The following TNS3 variants were observed in gnomAD, a reference collection of about 807,000 sequenced individuals.
TNS3 encodes tensin 3.
In TNS3, 45 loss-of-function variants were observed where a neutral mutation model predicts 140.9. The observed-to-expected ratio is 0.32, with a 90% confidence interval of 0.25 to 0.41. TNS3 has a LOEUF of 0.41. Ranked by LOEUF, TNS3 falls within the 10% of genes least tolerant of loss-of-function variation. TNS3 has a pLI of 1.00. For missense variants in TNS3, 1,716 were observed against 1,906.7 expected, an observed-to-expected ratio of 0.90 and a Z score of 1.86; for synonymous variants, 815 against 788.4, an observed-to-expected ratio of 1.03 and a Z score of -0.56.
chr7:47,408,961 T>G (rs1466998362), intron 13 of TNS3, among the ~76,000 whole-genome samples: 3 of 151,978 alleles, frequency 2.0e-5, no homozygotes, highest in Non-Finnish European at 4.4e-5. Flanking sequence ...AGAAAGCCCA[T>G]GTCCCCAACG....
intron 9 of TNS3, among the ~76,000 whole-genome samples, chr7:47,427,003 A>G (rs1378224248): frequency 1.3e-5 from 2 of 151,706 alleles, no homozygotes; most frequent in African/African-American, 2.4e-5. Context: ...GCACACACCT[A>G]TAATCCCAGC....
intron 16 of TNS3, among the ~76,000 whole-genome samples, chr7:47,390,933 C>T (rs1332273233): frequency 6.6e-6 from 1 of 152,184 alleles, no homozygotes; most frequent in Non-Finnish European, 1.5e-5. Flanking sequence ...CGTCCTCCAG[C>T]CTCTTTGTTA....
chr7:47,460,450 G>A (rs1796442646), intron 4 of TNS3, among the ~76,000 whole-genome samples: 1 of 152,160 alleles, frequency 6.6e-6, no homozygotes, highest in African/African-American at 2.4e-5. Context: ...GGCAGCCTAA[G>A]CTGACTAAGA....
intron 20 of TNS3, among the ~76,000 whole-genome samples, chr7:47,317,116 T>C (rs1584386830): frequency 1.3e-5 from 2 of 152,356 alleles, no homozygotes; most frequent in South Asian, 2.1e-4. Flanking sequence ...TAAGGTCAAC[T>C]GATTTCAGCA....
At chr7:47,389,010 A>C (rs1475076653) in intron 16 of TNS3, among the ~76,000 whole-genome samples, 50 of 1,872 alleles carry the variant, frequency 0.027, 13 homozygotes, top group Non-Finnish European at 0.15. Context: ...AAGGAAGAAG[A>C]AGAAGAAGAA....
chr7:47,388,245 T>TAC lies in TNS3; in HGVS notation c.1024+8553_1024+8554dup, dbSNP rs141454544. Among the ~76,000 whole-genome samples, 54 of 151,694 alleles carry TAC rather than the reference T, an allele frequency of 3.6e-4. 1 individual carries two copies. The East Asian group carries it at 8.3e-3, about 23-fold the overall frequency. ...TTACACCAGGGTCTACACACACACA[T>TAC]ACACACACACACACTGCTGCTCACG... is the stretch of plus-strand genomic sequence containing the variant. On this transcript the variant is annotated intron_variant, in intron 16 of 30. Coordinates refer to ENST00000311160, the MANE Select transcript of TNS3 (RefSeq NM_022748.12).
intron 1 of TNS3, among the ~76,000 whole-genome samples, chr7:47,541,370 G>A (rs753057574): frequency 6.6e-6 from 1 of 151,880 alleles, no homozygotes; most frequent in Non-Finnish European, 1.5e-5. Context: ...ACACACACAT[G>A]CACACACACA....
intron 20 of TNS3, among the ~76,000 whole-genome samples, chr7:47,323,796 G>A (rs199853329): frequency 1.3e-5 from 2 of 152,010 alleles, no homozygotes; most frequent in African/African-American, 4.8e-5. Context: ...TACCAAGAGC[G>A]AGGACTAAAA....
At chr7:47,433,128 ACCGACCCTCACTCTGTTCCTGC>A (rs1795004620) in intron 8 of TNS3, among the ~76,000 whole-genome samples, 1 of 152,196 alleles carries the variant, frequency 6.6e-6, no homozygotes, top group Non-Finnish European at 1.5e-5. Context: ...GCATAGGAGG[ACCGACCCTCACTCTGTTCCTGC>A]CCAGGCTGAG....
chr7:47,514,629 A>G (rs1798720148), intron 2 of TNS3, among the ~76,000 whole-genome samples: 1 of 151,708 alleles, frequency 6.6e-6, no homozygotes, highest in Non-Finnish European at 1.5e-5. Flanking sequence ...GGCCTTCCCT[A>G]CAGCTGTCTC....
chr7:47,429,126 G>A (rs1019351452), intron 8 of TNS3, among the ~76,000 whole-genome samples: 3 of 152,182 alleles, frequency 2.0e-5, no homozygotes, highest in Admixed American at 6.5e-5. Context: ...CCCACAACTT[G>A]TGAGCTAAGA....
Position 47,429,986 on chromosome 7 carries a change from A to G in TNS3, c.325-1610T>C, listed in dbSNP as rs150864168. 2.6e-4 allele frequency among the ~76,000 whole-genome samples: 39 copies of G among 152,304 alleles called. No homozygotes were observed. In the East Asian group the frequency reaches 6.6e-3, roughly 26 times the overall value. On this transcript the variant is annotated intron_variant, in intron 8 of 30. Coordinates refer to ENST00000311160, the MANE Select transcript of TNS3 (RefSeq NM_022748.12). ...TAGTATACCTCTTGCATAAAACTAT[A>G]TTTGACAGCAATTCACCTACAAAGA...
chr7:47,534,626 A>C (rs1053380507), intron 1 of TNS3, among the ~76,000 whole-genome samples: 1 of 152,222 alleles, frequency 6.6e-6, no homozygotes, highest in Non-Finnish European at 1.5e-5. Context: ...CGGCCAAGAC[A>C]GAACCACCAC....
intron 1 of TNS3, among the ~76,000 whole-genome samples, chr7:47,567,594 G>A (rs903316734): frequency 6.3e-4 from 94 of 150,006 alleles, no homozygotes; most frequent in African/African-American, 2.3e-3. Flanking sequence ...TGAGGCAGAC[G>A]AATGGAGTGA....
At chr7:47,384,074 C>G (rs1321387885) in intron 16 of TNS3, among the ~76,000 whole-genome samples, 1 of 152,214 alleles carries the variant, frequency 6.6e-6, no homozygotes, top group East Asian at 1.9e-4. Context: ...CCCTCCAGCC[C>G]GTGACCACCC....
At chr7:47,497,578 AAT>A (rs1220819933) in intron 3 of TNS3, among the ~76,000 whole-genome samples, 2 of 151,478 alleles carry the variant, frequency 1.3e-5, no homozygotes, top group Admixed American at 6.6e-5. Context: ...TACACATGCA[AAT>A]TTCCATTTTG....
At chr7:47,419,551 A>G (rs1222953357) in intron 10 of TNS3, among the ~76,000 whole-genome samples, 3 of 152,222 alleles carry the variant, frequency 2.0e-5, no homozygotes, top group African/African-American at 7.2e-5. Context: ...CCCAAAACTA[A>G]ACCACTTTTG....
chr7:47,504,319 A>G (rs1259226074), intron 3 of TNS3, among the ~76,000 whole-genome samples: 2 of 152,162 alleles, frequency 1.3e-5, no homozygotes, highest in Non-Finnish European at 2.9e-5. Context: ...TGTCAGTGCC[A>G]CAGAAGGGGC....
intron 4 of TNS3, among the ~76,000 whole-genome samples, chr7:47,448,120 C>T (rs1328555070): frequency 6.6e-6 from 1 of 152,246 alleles, no homozygotes; most frequent in Non-Finnish European, 1.5e-5. Context: ...AGCAGCCATC[C>T]CTGGAGCTGC....
Sources: gnomAD v4.1 joint callset for allele counts (sites outside exome capture counted in the v4.1 genomes callset) on GRCh38, gnomAD v4.1.1 for gene constraint, MANE v1.5 for transcripts, NCBI Gene and HGNC (gene_info 2026-07-23, HGNC 2026-07-21) for gene names.